The following HTT variants were observed in gnomAD, a reference collection of about 807,000 sequenced individuals.
HTT encodes huntington disease protein.
HTT carries 104 observed loss-of-function variants against 362.3 expected under a neutral mutation model. The ratio of observed to expected loss-of-function variants is 0.29; its 90% confidence interval spans 0.24 to 0.34. HTT has a LOEUF of 0.34. HTT is among the 10% of genes least tolerant of loss of function. The pLI, the probability that HTT is intolerant of heterozygous loss-of-function variation, is 1.00. For synonymous variants in HTT, 1,577 were observed against 1,548.7 expected, an observed-to-expected ratio of 1.02 and a Z score of -0.43; for missense variants, 3,301 against 3,928.6, an observed-to-expected ratio of 0.84 and a Z score of 4.27.
At chr4:3,128,613 T>C (rs1346944176) in intron 12 of HTT, 1 of 152,194 alleles carries the variant, frequency 6.6e-6, no homozygotes, top group Non-Finnish European at 1.5e-5. Flanking sequence ...CAAAAAACTT[T>C]TACAACATTT....
At chr4:3,095,107 T>C (rs990821386) in intron 2 of HTT, among the ~76,000 whole-genome samples, 1 of 152,144 alleles carries the variant, frequency 6.6e-6, no homozygotes, top group Non-Finnish European at 1.5e-5. Flanking sequence ...GAAACGCTCC[T>C]CACTTCCTAG....
chr4:3,216,437 A>G (rs563823749), intron 51 of HTT, among the ~76,000 whole-genome samples: 1 of 152,342 alleles, frequency 6.6e-6, no homozygotes, highest in Admixed American at 6.5e-5. Context: ...AATAGTGCCA[A>G]CCGTGTGGAT....
chr4:3,187,468 A>G (rs1159837732), intron 38 of HTT, among the ~76,000 whole-genome samples, 183 bp from the exon 39 acceptor site: 2 of 152,202 alleles, frequency 1.3e-5, no homozygotes, highest in East Asian at 3.8e-4. Context: ...TTGCATTTTT[A>G]GCAAATTCCC....
chr4:3,177,253 G>T, intron 33 of HTT, 79 bp from the exon 34 acceptor site: 1 of 916,308 alleles, frequency 1.1e-6, no homozygotes, highest in Non-Finnish European at 1.8e-6. Flanking sequence ...AATTTATGCA[G>T]ATAAGCAGGA....
chr4:3,238,711 TAA>T, intron 65 of HTT, 102 bp downstream of exon 65: 2 of 1,455,218 alleles, frequency 1.4e-6, no homozygotes, highest in East Asian at 2.3e-5. Context: ...TCCTCCGCTT[TAA>T]AGCAGCAATG....
At chr4:3,155,897 C>CAAA (rs544532624) in intron 27 of HTT, among the ~76,000 whole-genome samples, 18 of 84,606 alleles carry the variant, frequency 2.1e-4, no homozygotes, top group African/African-American at 7.2e-4. Context: ...GACTCCGTCT[C>CAAA]AAAAAAAAAA....
intron 1 of HTT, among the ~76,000 whole-genome samples, chr4:3,086,537 G>A (rs1713219146): frequency 6.6e-6 from 1 of 152,182 alleles, no homozygotes; most frequent in Non-Finnish European, 1.5e-5. Context: ...CAGGCCCAGT[G>A]GTGCGTGCCT....
intron 22 of HTT, 135 bp downstream of exon 22, chr4:3,140,791 C>G: frequency 1.3e-6 from 1 of 748,382 alleles, no homozygotes; most frequent in Non-Finnish European, 2.1e-6. Context: ...TAGGTCAGTC[C>G]TTTGATAGGA....
intron 20 of HTT, 84 bp from the exon 21 acceptor site, chr4:3,136,142 T>TTA (rs1716054854): frequency 9.8e-7 from 1 of 1,018,688 alleles, no homozygotes; most frequent in African/African-American, 1.6e-5. Context: ...GTTGAGTTCT[T>TTA]TCTCACTAGC....
chr4:3,182,197 T>C (rs1203036085), intron 36 of HTT, among the ~76,000 whole-genome samples, 157 bp from the exon 37 acceptor site: 3 of 152,086 alleles, frequency 2.0e-5, no homozygotes, highest in Non-Finnish European at 2.9e-5. Context: ...TGTCATAGAG[T>C]GGGGGTTGCA....
chr4:3,146,578 A>G (rs925637118), intron 24 of HTT, among the ~76,000 whole-genome samples: 9 of 152,206 alleles, frequency 5.9e-5, no homozygotes, highest in African/African-American at 2.2e-4. Context: ...TTAGGCCCCA[A>G]TACTTTCATT....
rs190422969 is a variant in HTT, at chr4:3,089,086, G to A, written c.347+2064G>A. On this transcript the variant is annotated intron_variant, in intron 2 of 66. Coordinates refer to ENST00000355072, the MANE Select transcript of HTT (RefSeq NM_001388492.1). Reference sequence around the variant, plus strand: ...TTTAGATAAGCTGTAACGTGTTTGAGCCTTACTGGCTCATTTTTGAAATGT... The same window carrying A: ...TTTAGATAAGCTGTAACGTGTTTGAACCTTACTGGCTCATTTTTGAAATGT... Among the ~76,000 whole-genome samples the A allele has an allele frequency of 3.9e-5, 6 of 152,286 alleles. No homozygotes were observed. The East Asian group carries it at 1.2e-3, about 29-fold the overall frequency.
intron 48 of HTT, 27 bp from the exon 49 acceptor site, chr4:3,212,537 C>T (rs766640031): frequency 6.2e-7 from 1 of 1,609,820 alleles, no homozygotes; most frequent in South Asian, 1.1e-5. Context: ...CACGTTTGCA[C>T]CCACCCACGA....
At chr4:3,155,022 A>T (rs1717073745) in intron 27 of HTT, among the ~76,000 whole-genome samples, 1 of 136,534 alleles carries the variant, frequency 7.3e-6, no homozygotes, top group Admixed American at 7.2e-5. Context: ...GGGCAGTGGC[A>T]GGGGCAGGAG....
intron 12 of HTT, chr4:3,128,286 C>T (rs1235432048): frequency 1.3e-5 from 2 of 152,204 alleles, no homozygotes; most frequent in South Asian, 2.1e-4. Context: ...CTGAACCCTC[C>T]TGCTTGTTCT....
At chr4:3,169,208 C>T (rs568082282) in intron 29 of HTT, among the ~76,000 whole-genome samples, 15 of 151,836 alleles carry the variant, frequency 9.9e-5, no homozygotes, top group South Asian at 2.1e-4. Context: ...TTAGTAGAGA[C>T]GAGGTTTCAC....
In HTT at chr4:3,220,306, T is replaced by G; in HGVS notation, c.7367T>G (p.Leu2456Arg). 1 of 1,613,082 alleles carries G rather than the reference T, an allele frequency of 6.2e-7. No individual in the cohort carries two copies. Among genetic ancestry groups the G allele is most frequent in the South Asian group, 1.1e-5 (1 of 91,064 alleles). ...FKEFIYRINTLGWTSRTQFEE... is the reference protein window; with the variant it reads ...FKEFIYRINTRGWTSRTQFEE... ...GAGTTCATCTACCGCATCAACACAC[T>G]AGGTACTCTTGGGGCCTCTCCTTCA... Residue 2456 changes from leucine to arginine, a missense_variant and splice_region_variant, in exon 53 of 67, where the codon CTA (leucine) becomes CGA (arginine). By Grantham distance (102) the Leu-to-Arg change is moderately radical (BLOSUM62 -2). Coordinates refer to ENST00000355072, the MANE Select transcript of HTT (RefSeq NM_001388492.1).
At chr4:3,084,883 G>A (rs1341863519) in intron 1 of HTT, among the ~76,000 whole-genome samples, 1 of 151,602 alleles carries the variant, frequency 6.6e-6, no homozygotes, top group African/African-American at 2.4e-5. Context: ...GTATAGTGGT[G>A]GGTGCCTGTA....
chr4:3,082,636 A>G (rs564434681), intron 1 of HTT, among the ~76,000 whole-genome samples: 2 of 152,148 alleles, frequency 1.3e-5, no homozygotes, highest in African/African-American at 4.8e-5. Context: ...AGTGACTTAC[A>G]TGCACATTGG....
Sources: gnomAD v4.1 joint callset for allele counts (sites outside exome capture counted in the v4.1 genomes callset) on GRCh38, gnomAD v4.1.1 for gene constraint, MANE v1.5 for transcripts, NCBI Gene and HGNC (gene_info 2026-07-23, HGNC 2026-07-21) for gene names.